BEND3: variants seen among roughly 807,000 people sequenced by gnomAD.
BEND3 encodes BEN domain-containing protein 3.
A neutral mutation model predicts 60.1 loss-of-function variants in BEND3; 13 were observed. The observed-to-expected ratio is 0.22, with a 90% CI of 0.14 to 0.34. The LOEUF (loss-of-function observed/expected upper bound fraction) is 0.34. Among genes scored for constraint, BEND3 ranks in the 10% least tolerant of loss-of-function variants. The pLI is 1.00. For synonymous variants in BEND3, 497 were observed against 491.5 expected, an observed-to-expected ratio of 1.01 and a Z score of -0.15; for missense variants, 896 against 1,138.1, an observed-to-expected ratio of 0.79 and a Z score of 3.06.
At chr6:107,113,454 C>CAAAAAAAAAAAAAAAAA (rs59947146) in intron 1 of BEND3, among the ~76,000 whole-genome samples, 1 of 60,558 alleles carries the variant, frequency 1.7e-5, no homozygotes, top group African/African-American at 8.2e-5. Flanking sequence ...AAAAAAAAAA[C>CAAAAAAAAAAAAAAAAA]AAAAAAAAAA....
intron 3 of BEND3, among the ~76,000 whole-genome samples, chr6:107,092,787 C>T (rs1359968982): frequency 6.6e-6 from 1 of 152,138 alleles, no homozygotes; most frequent in African/African-American, 2.4e-5. Context: ...TTGTAGTATA[C>T]AAGGTTACTA....
intron 1 of BEND3, among the ~76,000 whole-genome samples, chr6:107,111,257 T>C (rs1447695704): frequency 6.6e-6 from 1 of 151,940 alleles, no homozygotes; most frequent in African/African-American, 2.4e-5. Context: ...ACGCCTGTAA[T>C]CTCAGCACTT....
At chr6:107,099,357 C>G in intron 1 of BEND3, 61 bp from the exon 2 acceptor site, 1 of 1,477,170 alleles carries the variant, frequency 6.8e-7, no homozygotes, top group Non-Finnish European at 9.4e-7. Flanking sequence ...TTAATTTTCT[C>G]TACCCACAGA....
intron 3 of BEND3, among the ~76,000 whole-genome samples, chr6:107,082,692 G>C (rs1182378409): frequency 6.6e-6 from 1 of 152,186 alleles, no homozygotes; most frequent in Non-Finnish European, 1.5e-5. Context: ...GCCTCCCAAA[G>C]TGCTGGGATT....
At chr6:107,088,007 C>CCT (rs1554234567) in intron 3 of BEND3, among the ~76,000 whole-genome samples, 1 of 130,324 alleles carries the variant, frequency 7.7e-6, no homozygotes, top group African/African-American at 2.9e-5. Context: ...ATGAAGAGCC[C>CCT]TTTTTTTTTT....
chr6:107,082,671 C>T (rs57886237), intron 3 of BEND3, among the ~76,000 whole-genome samples: 1,855 of 152,258 alleles, frequency 0.012, 42 homozygotes, highest in African/African-American at 0.043. Context: ...TCAGGTGATC[C>T]GCTTGCCTCA....
At chr6:107,084,550 C>A (rs1775300483) in intron 3 of BEND3, among the ~76,000 whole-genome samples, 1 of 151,324 alleles carries the variant, frequency 6.6e-6, no homozygotes, top group Non-Finnish European at 1.5e-5. Flanking sequence ...GTAAACACAC[C>A]TATCAGCACT....
intron 3 of BEND3, among the ~76,000 whole-genome samples, chr6:107,078,463 A>C (rs1008192027): frequency 3.0e-4 from 45 of 150,788 alleles, no homozygotes; most frequent in African/African-American, 1.1e-3. Flanking sequence ...CAATAAATAA[A>C]CATTTCTTTT....
chr6:107,107,424 CT>C (rs34112086), intron 1 of BEND3, among the ~76,000 whole-genome samples: 4,528 of 146,904 alleles, frequency 0.031, 204 homozygotes, highest in African/African-American at 0.1. Context: ...TATAAAGCTT[CT>C]TTTTTTTTTT....
intron 1 of BEND3, among the ~76,000 whole-genome samples, chr6:107,104,072 C>T (rs1472242804): frequency 1.3e-5 from 2 of 151,636 alleles, no homozygotes; most frequent in Non-Finnish European, 2.9e-5. Flanking sequence ...ATCACGAGGT[C>T]AGGAGATGGA....
chr6:107,080,565 T>C (rs1775211601), intron 3 of BEND3, among the ~76,000 whole-genome samples: 1 of 152,040 alleles, frequency 6.6e-6, no homozygotes, highest in Non-Finnish European at 1.5e-5. Context: ...TATAATTTCA[T>C]AAAACAGATG....
chr6:107,103,615 A>T, intron 1 of BEND3, among the ~76,000 whole-genome samples: 1 of 152,184 alleles, frequency 6.6e-6, no homozygotes, highest in Non-Finnish European at 1.5e-5. Context: ...TGTCTGTTCT[A>T]TGTCCCTCAG....
At chr6:107,080,917 G>A (rs1290545246) in intron 3 of BEND3, among the ~76,000 whole-genome samples, 1 of 152,004 alleles carries the variant, frequency 6.6e-6, no homozygotes, top group African/African-American at 2.4e-5. Flanking sequence ...AGTCCCCAGG[G>A]TTCTAAGACT....
intron 1 of BEND3, among the ~76,000 whole-genome samples, chr6:107,103,782 C>A (rs1775750057): frequency 6.6e-6 from 1 of 152,016 alleles, no homozygotes; most frequent in South Asian, 2.1e-4. Context: ...AACCCCATCT[C>A]TACTAAAAAT....
Position 107,070,024 on chromosome 6 carries a change from G to A in BEND3, c.1167C>T (p.Asp389=). ...TGAGGTCCTGCGTGTCCACCACGTGGTCTGAGGCGATGGTGCTGCTCCGGT... is the reference window on the plus strand; with the variant it reads ...TGAGGTCCTGCGTGTCCACCACGTGATCTGAGGCGATGGTGCTGCTCCGGT... ...SLDRSSTIAS[D]HVVDTQDLTE... Residue 389 remains aspartate (D), a synonymous_variant, in exon 4 of 4, where the codon GAC becomes GAT. Transcript: ENST00000369042. The surrounding 1 kb of genome is among the most constrained non-coding windows in gnomAD (Gnocchi z 6.9). 1 of 1,613,790 alleles carries A rather than the reference G, an allele frequency of 6.2e-7. No homozygotes were observed. The highest frequency in any genetic ancestry group is 8.5e-7 in the Non-Finnish European group (1 of 1,180,028).
At chr6:107,103,703 C>T (rs998231042) in intron 1 of BEND3, among the ~76,000 whole-genome samples, 1 of 152,174 alleles carries the variant, frequency 6.6e-6, no homozygotes, top group African/African-American at 2.4e-5. Flanking sequence ...AATCCCAGGA[C>T]TTTGGGAGGC....
chr6:107,105,434 G>A (rs1443517678), intron 1 of BEND3, among the ~76,000 whole-genome samples: 1 of 151,872 alleles, frequency 6.6e-6, no homozygotes, highest in African/African-American at 2.4e-5. Flanking sequence ...TAAGCAGGGG[G>A]CGGTTGATCA....
At chr6:107,071,034 G>A (rs1338186414) in intron 3 of BEND3, 84 bp from the exon 4 acceptor site, 3 of 1,312,254 alleles carry the variant, frequency 2.3e-6, no homozygotes, top group Non-Finnish European at 3.1e-6. Flanking sequence ...AGCACACAGA[G>A]GCCGAGGTCA....
At chr6:107,100,140 A>G (rs1179966310) in intron 1 of BEND3, among the ~76,000 whole-genome samples, 1 of 152,166 alleles carries the variant, frequency 6.6e-6, no homozygotes, top group African/African-American at 2.4e-5. Flanking sequence ...AAGTGCTGGG[A>G]TTACACATCT....
Sources: allele counts gnomAD v4.1 joint callset (sites outside exome capture counted in the v4.1 genomes callset), GRCh38; gene constraint gnomAD v4.1.1; non-coding constraint Gnocchi (gnomAD v3.1); transcripts MANE v1.5; gene names NCBI Gene and HGNC (gene_info 2026-07-23, HGNC 2026-07-21).